The following SCLT1 variants were observed in gnomAD, a reference collection of about 807,000 sequenced individuals.
SCLT1 encodes the protein sodium channel-associated protein 1.
A neutral mutation model predicts 112.8 loss-of-function variants in SCLT1; 78 were observed. The observed-to-expected ratio is 0.69, with a 90% CI of 0.58 to 0.83. SCLT1 has a LOEUF of 0.83. Ranked by LOEUF, SCLT1 falls within the 40% of genes least tolerant of loss-of-function variation. The pLI is 0.00. For synonymous variants in SCLT1, 257 were observed against 254.7 expected, an observed-to-expected ratio of 1.01 and a Z score of -0.09; for missense variants, 747 against 770.4, an observed-to-expected ratio of 0.97 and a Z score of 0.36.
rs1210390027 is a variant in SCLT1 at position 129,024,925 on chromosome 4, G to A, written c.290+14116C>T. Among the ~76,000 whole-genome samples, 570 of 152,098 alleles carry A rather than the reference G, an allele frequency of 3.7e-3. 1 individual carries two copies. The highest frequency in any genetic ancestry group is 0.011 in the African/African-American group (464 of 41,510). On this transcript the variant is annotated intron_variant, in intron 5 of 20. Coordinates refer to ENST00000281142, the MANE Select transcript of SCLT1 (RefSeq NM_144643.4). ...ATGCAGAAGCCTCAGGAGCCGATGC[G>A]ATCAACTGGAAGAAAGGGTATCAGT...
At chr4:129,040,095 CT>C in intron 4 of SCLT1, 4 of 682,842 alleles carry the variant, frequency 5.9e-6, no homozygotes, top group Non-Finnish European at 5.4e-6. Flanking sequence ...TTCTGCCAGC[CT>C]TTTTCTCTCT....
At chr4:128,950,071 C>T (rs1359725338) in intron 14 of SCLT1, among the ~76,000 whole-genome samples, 25 of 152,086 alleles carry the variant, frequency 1.6e-4, no homozygotes, top group Non-Finnish European at 5.9e-5. Flanking sequence ...AATTTAATAT[C>T]TTTTATTAAG....
chr4:129,072,227 C>G (rs1157795179), intron 2 of SCLT1, among the ~76,000 whole-genome samples: 3 of 152,118 alleles, frequency 2.0e-5, no homozygotes. Flanking sequence ...TTTTGTCTCA[C>G]AGGTCTTAAG....
At chr4:129,029,658 C>T (rs1182494095) in intron 5 of SCLT1, among the ~76,000 whole-genome samples, 1 of 151,422 alleles carries the variant, frequency 6.6e-6, no homozygotes, top group African/African-American at 2.4e-5. Context: ...GCACATGTAC[C>T]CTAAAACTTA....
chr4:128,969,497 G>A (rs982341032), intron 10 of SCLT1, among the ~76,000 whole-genome samples: 4 of 152,010 alleles, frequency 2.6e-5, no homozygotes, highest in African/African-American at 9.7e-5. Context: ...GCATGAACCC[G>A]GGAGGCAGAG....
At chr4:128,982,958 G>A (rs530202815) in intron 9 of SCLT1, among the ~76,000 whole-genome samples, 14 of 151,906 alleles carry the variant, frequency 9.2e-5, no homozygotes, top group African/African-American at 2.7e-4. Flanking sequence ...GCACGATCTC[G>A]GCTCACCGCA....
chr4:129,085,708 T>C (rs1752334221), intron 1 of SCLT1, among the ~76,000 whole-genome samples: 2 of 152,164 alleles, frequency 1.3e-5, no homozygotes, highest in African/African-American at 4.8e-5. Flanking sequence ...ATCATCTCCT[T>C]TGCAGGAACA....
At chr4:128,992,829 G>A (rs552015230) in intron 8 of SCLT1, among the ~76,000 whole-genome samples, 1 of 152,086 alleles carries the variant, frequency 6.6e-6, no homozygotes, top group Non-Finnish European at 1.5e-5. Flanking sequence ...GTCAGCTTCT[G>A]GAGAAATCCA....
intron 5 of SCLT1, among the ~76,000 whole-genome samples, chr4:129,009,547 G>T (rs1744338902): frequency 6.6e-6 from 1 of 151,214 alleles, no homozygotes; most frequent in Non-Finnish European, 1.5e-5. Context: ...AATCCAAACT[G>T]CTTTCCACTA....
intron 9 of SCLT1, among the ~76,000 whole-genome samples, chr4:128,985,577 T>C (rs1742017770): frequency 6.6e-6 from 1 of 152,246 alleles, no homozygotes; most frequent in South Asian, 2.1e-4. Context: ...CACTAATCTG[T>C]TGTGTTACAA....
chr4:129,075,050 G>A (rs1751341452), intron 2 of SCLT1, among the ~76,000 whole-genome samples: 1 of 152,038 alleles, frequency 6.6e-6, no homozygotes, highest in Non-Finnish European at 1.5e-5. Flanking sequence ...TGCTGATGGT[G>A]TATCACAGAA....
intron 18 of SCLT1, among the ~76,000 whole-genome samples, chr4:128,908,339 G>T (rs1734840378): frequency 1.4e-5 from 2 of 143,660 alleles, no homozygotes; most frequent in African/African-American, 5.3e-5. Context: ...TATGTATTTT[G>T]TAATTTGCTG....
chr4:128,921,225 C>T (rs953372594), intron 18 of SCLT1, among the ~76,000 whole-genome samples: 4 of 152,064 alleles, frequency 2.6e-5, no homozygotes, highest in Admixed American at 1.3e-4. Flanking sequence ...GGTCATATTG[C>T]CCAAAGCAAT....
At chr4:128,986,513 G>A (rs1742107325) in intron 9 of SCLT1, among the ~76,000 whole-genome samples, 1 of 152,200 alleles carries the variant, frequency 6.6e-6, no homozygotes, top group South Asian at 2.1e-4. Flanking sequence ...GATTGCCTGT[G>A]TCATCCCTTC....
chr4:128,952,200 G>GATAAAAA (rs1738816391), intron 14 of SCLT1: 2 of 385,016 alleles, frequency 5.2e-6, no homozygotes, highest in Non-Finnish European at 1.0e-5. Flanking sequence ...AGTGATACAG[G>GATAAAAA]GAGTCAGAAA....
chr4:129,016,963 T>C (rs1745046957), intron 5 of SCLT1, among the ~76,000 whole-genome samples: 1 of 152,258 alleles, frequency 6.6e-6, no homozygotes, highest in East Asian at 1.9e-4. Flanking sequence ...TTGATTTATT[T>C]ATTTTCAATT....
chr4:129,053,844 A>G (rs539712734), intron 2 of SCLT1, among the ~76,000 whole-genome samples: 1 of 152,142 alleles, frequency 6.6e-6, no homozygotes, highest in Non-Finnish European at 1.5e-5. Context: ...GTTTCTTCAT[A>G]GTGTCAATGG....
chr4:129,079,430 C>A (rs1246927149), intron 2 of SCLT1, among the ~76,000 whole-genome samples: 1 of 152,206 alleles, frequency 6.6e-6, no homozygotes, highest in African/African-American at 2.4e-5. Context: ...ACAGGGTCTA[C>A]AGGCCGCGGG....
rs114656438 is a variant in SCLT1, at chr4:128,995,698, G to C, written c.615+2176C>G. 2.5e-3 allele frequency among the ~76,000 whole-genome samples: 383 copies of C among 152,130 alleles called. 3 individuals carry two copies. Among genetic ancestry groups the C allele is most frequent in the African/African-American group, 8.9e-3 (371 of 41,536 alleles). ...GTCTGCTTGCTCTGTGATGAGCTGG[G>C]GGGTAGGGAACTATAGCATGTATCA... On this transcript the variant is annotated intron_variant, in intron 8 of 20. Coordinates refer to ENST00000281142, the MANE Select transcript of SCLT1 (RefSeq NM_144643.4).
Sources: allele counts gnomAD v4.1 joint callset (sites outside exome capture counted in the v4.1 genomes callset), GRCh38; gene constraint gnomAD v4.1.1; transcripts MANE v1.5; gene names NCBI Gene and HGNC (gene_info 2026-07-23, HGNC 2026-07-21).